DAB1: variants seen among roughly 807,000 people sequenced by gnomAD.
The protein encoded by DAB1 is disabled homolog 1.
DAB1 carries 15 observed loss-of-function variants against 64.6 expected under a neutral mutation model. The ratio of observed to expected loss-of-function variants is 0.23; its 90% confidence interval spans 0.16 to 0.36. The LOEUF (loss-of-function observed/expected upper bound fraction) is 0.36. Ranked by LOEUF, DAB1 falls within the 10% of genes least tolerant of loss-of-function variation. The pLI, the probability that DAB1 is intolerant of heterozygous loss-of-function variation, is 1.00. For missense variants in DAB1, 596 were observed against 706.7 expected, an observed-to-expected ratio of 0.84 and a Z score of 1.78; for synonymous variants, 235 against 251.9, an observed-to-expected ratio of 0.93 and a Z score of 0.64.
rs557853183 is a variant in DAB1, at chr1:57,621,836, C to A, written n.625+27756G>T. On this transcript the variant is annotated intron_variant and non_coding_transcript_variant, in intron 7 of 20. Coordinates refer to the DAB1 transcript ENST00000485760. ...GATACAGATAGGCCCCCAATTACTT[C>A]TTGACTGAGATATTTTTTGAACTAA... 2.0e-5 allele frequency among the ~76,000 whole-genome samples: 3 copies of A among 152,290 alleles called. No homozygotes were observed. The East Asian group carries it at 5.8e-4, about 29-fold the overall frequency.
chr1:57,672,630 G>C (rs564524971), intron 6 of DAB1, among the ~76,000 whole-genome samples: 14 of 152,184 alleles, frequency 9.2e-5, no homozygotes, highest in Admixed American at 2.6e-4. Context: ...GTTAAAATCA[G>C]GTTTTATCCT....
At chr1:58,379,599 C>T (rs1644369086) in intron 3 of DAB1, among the ~76,000 whole-genome samples, 1 of 152,232 alleles carries the variant, frequency 6.6e-6, no homozygotes, top group Admixed American at 6.5e-5. Flanking sequence ...TTGTTGTTCA[C>T]TCACTTAACA....
At chr1:58,042,065 T>C (rs145173436) in intron 5 of DAB1, among the ~76,000 whole-genome samples, 136 of 152,350 alleles carry the variant, frequency 8.9e-4, no homozygotes, top group African/African-American at 3.0e-3. Flanking sequence ...TGGGAATAAT[T>C]TTGCTTATTA....
chr1:57,984,195 AGAAAGAAAG>A (rs1646141898), intron 5 of DAB1, among the ~76,000 whole-genome samples: 1 of 81,574 alleles, frequency 1.2e-5, no homozygotes, highest in African/African-American at 3.9e-5. Context: ...AAAGAAAGAA[AGAAAGAAAG>A]AAAGAAAGAA....
chr1:57,669,056 T>C (rs926975438), intron 6 of DAB1, among the ~76,000 whole-genome samples: 1 of 152,136 alleles, frequency 6.6e-6, no homozygotes, highest in Non-Finnish European at 1.5e-5. Flanking sequence ...TGACTGAATC[T>C]TTAATTCCGT....
intron 3 of DAB1, among the ~76,000 whole-genome samples, chr1:58,498,690 C>T (rs918891586): frequency 8.5e-5 from 13 of 152,138 alleles, no homozygotes; most frequent in African/African-American, 3.1e-4. Context: ...TTCTTGAATT[C>T]TCTTTTGAAC....
intron 9 of DAB1, among the ~76,000 whole-genome samples, chr1:57,035,833 C>CTTTTTTT (rs35389635): frequency 8.1e-5 from 5 of 61,916 alleles, no homozygotes; most frequent in African/African-American, 1.3e-4. Flanking sequence ...CGCACATGCA[C>CTTTTTTT]TTTTTTTTTT....
intron 5 of DAB1, among the ~76,000 whole-genome samples, chr1:58,056,840 A>G (rs1174424854): frequency 6.6e-6 from 1 of 151,924 alleles, no homozygotes; most frequent in Non-Finnish European, 1.5e-5. Context: ...ACCAAAAGTC[A>G]CTGCTCTGCT....
In DAB1 at chr1:57,244,098, T is replaced by A. The variant is rs74639990; in HGVS notation, c.67+46866A>T. On this transcript the variant is annotated intron_variant, in intron 2 of 14. Coordinates refer to ENST00000371236, the MANE Select transcript of DAB1 (RefSeq NM_001365792.1). ...TTCCCAAAACCTATATATTCTCTTT[T>A]TGTGTATTCTCTCTTAACTACTCTC... Among the ~76,000 whole-genome samples, 94 of 152,348 alleles carry A rather than the reference T, an allele frequency of 6.2e-4. 1 individual carries two copies. In the South Asian group the frequency reaches 0.017, roughly 28 times the overall value.
chr1:57,456,118 T>C (rs1686582544), intron 7 of DAB1, among the ~76,000 whole-genome samples: 1 of 152,178 alleles, frequency 6.6e-6, no homozygotes, highest in African/African-American at 2.4e-5. Context: ...CTATTGTCAC[T>C]AGGTCTGTTT....
At chr1:57,264,702 C>T (rs2100569030) in intron 2 of DAB1, among the ~76,000 whole-genome samples, 1 of 152,302 alleles carries the variant, frequency 6.6e-6, no homozygotes, top group Middle Eastern at 3.4e-3. Flanking sequence ...TCTCCCCACC[C>T]TCCCAGGCTC....
chr1:58,413,779 A>C (rs1644691761), intron 3 of DAB1, among the ~76,000 whole-genome samples: 1 of 152,136 alleles, frequency 6.6e-6, no homozygotes, highest in African/African-American at 2.4e-5. Context: ...CCTAAACAGA[A>C]CAGAGTCAGA....
At chr1:58,050,124 A>C (rs1471732826) in intron 5 of DAB1, among the ~76,000 whole-genome samples, 1 of 152,180 alleles carries the variant, frequency 6.6e-6, no homozygotes, top group Non-Finnish European at 1.5e-5. Context: ...GCACGTACAA[A>C]GGCCCTGAGT....
intron 4 of DAB1, among the ~76,000 whole-genome samples, chr1:58,300,657 G>A (rs1206808702): frequency 7.6e-4 from 76 of 100,200 alleles, no homozygotes; most frequent in African/African-American, 2.0e-3. Flanking sequence ...AGGAAGGAAG[G>A]AAGGAAGGAA....
In DAB1 at chr1:58,452,073, C is replaced by T. The variant is rs148785469; in HGVS notation, n.257+53987G>A. ...TTAGCCTCCTGAGTGGCTGGGATTA[C>T]AGGTGCGAGCCAACACGTCAGGCCA... On this transcript the variant is annotated intron_variant and non_coding_transcript_variant, in intron 3 of 20. Coordinates refer to the DAB1 transcript ENST00000485760. Among the ~76,000 whole-genome samples the T allele has an allele frequency of 4.4e-3, 662 of 152,012 alleles. 9 individuals are homozygous for T. Among genetic ancestry groups the T allele is most frequent in the African/African-American group, 0.015 (632 of 41,470 alleles).
intron 4 of DAB1, among the ~76,000 whole-genome samples, chr1:57,077,295 A>G (rs1417521297): frequency 2.0e-5 from 3 of 152,232 alleles, no homozygotes; most frequent in Non-Finnish European, 4.4e-5. Context: ...TAGGCCCTTC[A>G]GAGAAAGATC....
rs189206391 is a variant in DAB1 at position 57,086,212 on chromosome 1, C to T, written c.307-13798G>A. Among the ~76,000 whole-genome samples the T allele has an allele frequency of 7.2e-5, 11 of 152,196 alleles. No individual in the cohort carries two copies. The East Asian group carries it at 2.1e-3, about 29-fold the overall frequency. On this transcript the variant is annotated intron_variant, in intron 4 of 14. Coordinates refer to ENST00000371236, the MANE Select transcript of DAB1 (RefSeq NM_001365792.1). ...TGCTGCAGTTAAGCCTTCCCACATG[C>T]TGCAAATAGAGTCCTTCTTCAGGTT...
chr1:58,371,629 T>C (rs556970319), intron 3 of DAB1, among the ~76,000 whole-genome samples: 1 of 152,302 alleles, frequency 6.6e-6, no homozygotes, highest in East Asian at 1.9e-4. Context: ...GAGACTTTCA[T>C]GGAATCCCCT....
At chr1:57,697,261 T>C (rs1039638744) in intron 6 of DAB1, among the ~76,000 whole-genome samples, 1 of 152,014 alleles carries the variant, frequency 6.6e-6, no homozygotes, top group Non-Finnish European at 1.5e-5. Context: ...CAATCAAAAT[T>C]TAGAATCTTT....
Sources: gnomAD v4.1 joint callset for allele counts (sites outside exome capture counted in the v4.1 genomes callset) on GRCh38, gnomAD v4.1.1 for gene constraint, MANE v1.5 for transcripts, NCBI Gene and HGNC (gene_info 2026-07-23, HGNC 2026-07-21) for gene names.